The following TMEM167A variants were observed in gnomAD, a reference collection of about 807,000 sequenced individuals.
TMEM167A encodes transmembrane protein 167A.
Under a neutral mutation model 11.6 loss-of-function variants are expected in TMEM167A, and 8 were observed. The ratio of observed to expected loss-of-function variants is 0.69; its 90% CI spans 0.40 to 1.24. The LOEUF (loss-of-function observed/expected upper bound fraction) is 1.24, where lower values mean the gene tolerates loss of function less well. Ranked by LOEUF, TMEM167A falls within the 50% of genes most tolerant of loss-of-function variation. The pLI is 0.01. For synonymous variants in TMEM167A, 22 were observed against 28.0 expected (o/e 0.79, Z 0.67); for missense variants, 62 against 87.0 (o/e 0.71, Z 1.14).
At chr5:83,070,617 T>A (rs914655331) in intron 1 of TMEM167A, among the ~76,000 whole-genome samples, 1 of 152,168 alleles carries the variant, frequency 6.6e-6, no homozygotes, top group Non-Finnish European at 1.5e-5. Context: ...AATGAATAGA[T>A]GCAAGGTCAA....
At chr5:83,067,388 A>G (rs1011081137) in intron 1 of TMEM167A, among the ~76,000 whole-genome samples, 5 of 152,246 alleles carry the variant, frequency 3.3e-5, no homozygotes, top group Non-Finnish European at 5.9e-5. Context: ...AAAAGTGCTT[A>G]TGCACAATGC....
At position 83,077,364 on chromosome 5, in the gene TMEM167A, G is replaced by A. The variant is rs538988239; in HGVS notation, c.-41C>T. On this transcript the variant is annotated 5_prime_UTR_variant, in exon 1 of 4. Coordinates refer to ENST00000502346, the MANE Select transcript of TMEM167A (RefSeq NM_174909.5). The stretch of plus-strand genomic sequence containing the variant: ...GCCGCAGCCACATCACCCTTCCGGG[G>A]CTCAGGCGGAAGAGGCTGCATGTCC... 4 of 1,614,010 alleles carry A rather than the reference G, an allele frequency of 2.5e-6. No individual in the cohort carries two copies. The highest frequency in any genetic ancestry group is 1.1e-5 in the South Asian group (1 of 91,086).
In TMEM167A at chr5:83,069,555, G is replaced by T. The variant is rs1744531909; in HGVS notation, c.4-4438C>A. On this transcript the variant is annotated intron_variant, in intron 1 of 3. Coordinates refer to ENST00000502346, the MANE Select transcript of TMEM167A (RefSeq NM_174909.5). ...AGTTTTGCACATGCTATCTGTTCTT[G>T]CCTGCTTGGTGAACTGACTCATGCG... Among the ~76,000 whole-genome samples the T allele has an allele frequency of 2.0e-5, 3 of 151,782 alleles. No individual in the cohort carries two copies. The South Asian group carries it at 6.2e-4, about 32-fold the overall frequency.
At chr5:83,069,952 C>G (rs1744537114) in intron 1 of TMEM167A, among the ~76,000 whole-genome samples, 1 of 152,070 alleles carries the variant, frequency 6.6e-6, no homozygotes, top group African/African-American at 2.4e-5. Context: ...TCAAGAGAAA[C>G]CTCCATGTAT....
intron 3 of TMEM167A, among the ~76,000 whole-genome samples, chr5:83,058,641 T>G (rs1384224026): frequency 6.6e-6 from 1 of 152,094 alleles, no homozygotes; most frequent in African/African-American, 2.4e-5. Context: ...TCATAGAGTC[T>G]TATTAAATAC....
At position 83,077,369 on chromosome 5, in the gene TMEM167A, G is replaced by A. The variant is rs750013186; in HGVS notation, c.-46C>T. 3 of 1,614,112 alleles carry A rather than the reference G, an allele frequency of 1.9e-6. No homozygotes were observed. The South Asian group carries it at 3.3e-5, about 18-fold the overall frequency. On this transcript the variant is annotated 5_prime_UTR_variant, in exon 1 of 4. Coordinates refer to ENST00000502346, the MANE Select transcript of TMEM167A (RefSeq NM_174909.5). Reference sequence around the variant, plus strand: ...AGCCACATCACCCTTCCGGGGCTCAGGCGGAAGAGGCTGCATGTCCCGTCT... The same window carrying A: ...AGCCACATCACCCTTCCGGGGCTCAAGCGGAAGAGGCTGCATGTCCCGTCT...
chr5:83,064,903 A>C (rs1200190987), intron 2 of TMEM167A, 105 bp downstream of exon 2: 1 of 695,048 alleles, frequency 1.4e-6, no homozygotes, highest in Admixed American at 3.3e-5. Context: ...TTATTATAAA[A>C]CCAAATTACA....
intron 1 of TMEM167A, among the ~76,000 whole-genome samples, chr5:83,075,328 T>C (rs985703680): frequency 1.3e-5 from 2 of 152,168 alleles, no homozygotes; most frequent in African/African-American, 4.8e-5. Context: ...ATGTTAGGTG[T>C]TGGGGGGAAC....
chr5:83,060,446 T>C (rs1744391179), intron 3 of TMEM167A, among the ~76,000 whole-genome samples: 1 of 151,600 alleles, frequency 6.6e-6, no homozygotes, highest in Admixed American at 6.6e-5. Flanking sequence ...AAATATTCAA[T>C]TTCAGTCCAA....
intron 1 of TMEM167A, among the ~76,000 whole-genome samples, chr5:83,074,806 T>C (rs1483804988): frequency 6.6e-6 from 1 of 151,376 alleles, no homozygotes; most frequent in Non-Finnish European, 1.5e-5. Context: ...GTTTCGCTCT[T>C]GTTGTCCAGG....
chr5:83,057,500 A>G (rs10473863), intron 3 of TMEM167A, among the ~76,000 whole-genome samples: 48,019 of 151,884 alleles, frequency 0.32, 8,863 homozygotes, highest in Non-Finnish European at 0.42. Context: ...ATTGAGGCCA[A>G]AGAAATATTG....
chr5:83,065,029 A>G lies in TMEM167A; in HGVS notation c.92T>C (p.Leu31Pro). 6.2e-7 allele frequency: 1 copy of G among 1,605,588 alleles called. No homozygotes were observed. Among genetic ancestry groups the G allele is most frequent in the Non-Finnish European group, 8.5e-7 (1 of 1,176,122 alleles). ...CAYIRSLAPS[L>P]LDRNKTGLLG... is the part of the protein sequence containing the mutation. ...ATACCCAGTTTTATTTCTGTCCAGGAGGCTGGGTGCCAAGGATCGAATATA... is the reference window on the plus strand; with the variant it reads ...ATACCCAGTTTTATTTCTGTCCAGGGGGCTGGGTGCCAAGGATCGAATATA... The change falls in exon 2 of 4, where the codon CTC (leucine) becomes CCC (proline). Residue 31 changes from leucine to proline, a missense_variant. Transcript: ENST00000502346.
In TMEM167A at chr5:83,056,897, T is replaced by C. The variant is rs1239514377; in HGVS notation, c.*187A>G. The C allele has an allele frequency of 6.3e-6, 4 of 633,940 alleles. No individual in the cohort carries two copies. The highest frequency in any genetic ancestry group is 3.6e-5 in the South Asian group (2 of 55,950). The allele number at this position is 633,940 out of a possible 1,614,324, so 39.3% of individuals were successfully genotyped here. A position where few individuals can be genotyped will look rare whatever the true frequency, so the allele number is the denominator to read the frequency against. ...AGGTTGATTGTTACAGACTATTAAA[T>C]GGTTACATCTTAATTGTTTATACAG... On this transcript the variant is annotated 3_prime_UTR_variant, in exon 4 of 4. Coordinates refer to ENST00000502346, the MANE Select transcript of TMEM167A (RefSeq NM_174909.5).
chr5:83,070,207 T>TAA (rs77418049), intron 1 of TMEM167A, among the ~76,000 whole-genome samples: 8,269 of 152,234 alleles, frequency 0.054, 271 homozygotes, highest in South Asian at 0.17. Context: ...TTTTAATTCT[T>TAA]AAGAGATATA....
intron 1 of TMEM167A, among the ~76,000 whole-genome samples, chr5:83,071,978 A>G (rs1482760090): frequency 2.0e-5 from 3 of 152,216 alleles, no homozygotes; most frequent in Non-Finnish European, 2.9e-5. Context: ...CTCACCAGTC[A>G]TATTTTAAAA....
chr5:83,077,365 C>T lies in TMEM167A; in HGVS notation c.-42G>A, dbSNP rs200434515. ...CCGCAGCCACATCACCCTTCCGGGG[C>T]TCAGGCGGAAGAGGCTGCATGTCCC... On this transcript the variant is annotated 5_prime_UTR_variant, in exon 1 of 4. Coordinates refer to ENST00000502346, the MANE Select transcript of TMEM167A (RefSeq NM_174909.5). 2 of 1,614,160 alleles carry T rather than the reference C, an allele frequency of 1.2e-6. No homozygotes were observed. Among genetic ancestry groups the T allele is most frequent in the African/African-American group, 1.3e-5 (1 of 75,064 alleles).
chr5:83,067,349 T>C (rs906169220), intron 1 of TMEM167A, among the ~76,000 whole-genome samples: 1 of 152,196 alleles, frequency 6.6e-6, no homozygotes, highest in African/African-American at 2.4e-5. Flanking sequence ...AAAAACTATA[T>C]ACATTATTTA....
chr5:83,067,051 AGTTTT>A (rs1328540209), intron 1 of TMEM167A, among the ~76,000 whole-genome samples: 2 of 152,062 alleles, frequency 1.3e-5, no homozygotes, highest in Admixed American at 6.5e-5. Context: ...ACCCAATTTC[AGTTTT>A]TTTTTAAATA....
chr5:83,056,802 C>T lies in TMEM167A; in HGVS notation c.*282G>A. On this transcript the variant is annotated 3_prime_UTR_variant, in exon 4 of 4. Transcript: ENST00000502346. ...TTTCTACTATGTGCCTTAGAGATAC[C>T]TCACTAAAATTTTGTATCTGATACA... is the stretch of plus-strand genomic sequence containing the variant. The T allele has an allele frequency of 2.4e-6, 1 of 418,418 alleles. No homozygotes were observed. Among genetic ancestry groups the T allele is most frequent in the Non-Finnish European group, 4.3e-6 (1 of 233,590 alleles). 25.9% of individuals were successfully genotyped at this position (418,418 alleles called of 1,614,324 possible). A position where few individuals can be genotyped will look rare whatever the true frequency, so the allele number is the denominator to read the frequency against.
Sources: allele counts gnomAD v4.1 joint callset (sites outside exome capture counted in the v4.1 genomes callset), GRCh38; gene constraint gnomAD v4.1.1; transcripts MANE v1.5; gene names NCBI Gene and HGNC (gene_info 2026-07-23, HGNC 2026-07-21).